Variants in ADAM22 observed in about 807,000 individuals in gnomAD.
The protein encoded by ADAM22 is disintegrin and metalloproteinase domain-containing protein 22.
Under a neutral mutation model 144.6 loss-of-function variants are expected in ADAM22, and 65 were observed. That is an observed-to-expected ratio of 0.45 (90% CI 0.37 to 0.55). ADAM22 has a LOEUF of 0.55. ADAM22 is among the 20% of genes least tolerant of loss of function. ADAM22 has a pLI of 0.00. For synonymous variants in ADAM22, 391 were observed against 412.6 expected, an observed-to-expected ratio of 0.95 and a Z score of 0.63; for missense variants, 974 against 1,184.9, an observed-to-expected ratio of 0.82 and a Z score of 2.61.
Position 88,145,196 on chromosome 7 carries a change from C to T in ADAM22, c.1392C>T (p.Ala464=). The change falls in exon 16 of 32, where the codon GCC becomes GCT. Residue 464 remains alanine (A), a splice_region_variant and synonymous_variant. Transcript: ENST00000413139. ...AGGAGTGTGATTGTGGAACCCCGGCCGTAAGTCTCTGGTTGTTTTGATGAT... is the reference window on the plus strand; with the variant it reads ...AGGAGTGTGATTGTGGAACCCCGGCTGTAAGTCTCTGGTTGTTTTGATGAT... ...TGEECDCGTP[A]ECVLEGAECC... 4.3e-6 allele frequency: 7 copies of T among 1,613,560 alleles called. No individual in the cohort carries two copies. The highest frequency in any genetic ancestry group is 2.2e-5 in the East Asian group (1 of 44,858).
intron 30 of ADAM22, among the ~76,000 whole-genome samples, chr7:88,186,914 T>C (rs959150988): frequency 6.6e-6 from 1 of 152,152 alleles, no homozygotes; most frequent in Admixed American, 6.5e-5. Context: ...TTTGAAAGGG[T>C]TGTCATTTAG....
chr7:88,095,745 C>T (rs1186463606), intron 4 of ADAM22, among the ~76,000 whole-genome samples: 3 of 152,136 alleles, frequency 2.0e-5, no homozygotes, highest in Admixed American at 6.5e-5. Flanking sequence ...CAGACATCCA[C>T]GTGTAGATTT....
chr7:88,185,602 CAGT>C (rs567998346), intron 29 of ADAM22, among the ~76,000 whole-genome samples: 46 of 152,058 alleles, frequency 3.0e-4, no homozygotes, highest in African/African-American at 1.1e-3. Context: ...CAAATTCTTC[CAGT>C]ATGGAATTTG....
At chr7:88,145,600 G>A (rs1836153810) in intron 17 of ADAM22, 93 bp downstream of exon 17, 1 of 999,558 alleles carries the variant, frequency 1.0e-6, no homozygotes, top group Non-Finnish European at 1.5e-6. Context: ...AACAGAAATA[G>A]TATCTAACAT....
intron 2 of ADAM22, among the ~76,000 whole-genome samples, chr7:87,977,725 A>G (rs1852233813): frequency 6.6e-6 from 1 of 152,158 alleles, no homozygotes; most frequent in Non-Finnish European, 1.5e-5. Context: ...AGGATAGCAT[A>G]GGAAATAGTG....
At chr7:88,095,716 A>T (rs1821071461) in intron 4 of ADAM22, among the ~76,000 whole-genome samples, 1 of 152,200 alleles carries the variant, frequency 6.6e-6, no homozygotes, top group Admixed American at 6.6e-5. Context: ...CATGTTAAAA[A>T]TTGTATAAAA....
At chr7:88,113,691 A>T (rs1168559332) in intron 5 of ADAM22, among the ~76,000 whole-genome samples, 19 of 56,978 alleles carry the variant, frequency 3.3e-4, no homozygotes, top group African/African-American at 1.4e-3. Context: ...ATATATTATA[A>T]ATAAATAAAT....
At chr7:87,969,006 C>T (rs1334496081) in intron 2 of ADAM22, among the ~76,000 whole-genome samples, 1 of 152,160 alleles carries the variant, frequency 6.6e-6, no homozygotes, top group African/African-American at 2.4e-5. Flanking sequence ...AGAACTCACT[C>T]ACTATCACAA....
chr7:87,962,724 C>G (rs1029855865), intron 2 of ADAM22, among the ~76,000 whole-genome samples: 6 of 151,948 alleles, frequency 3.9e-5, no homozygotes, highest in African/African-American at 1.5e-4. Context: ...GCTACAACAA[C>G]AAGCACCAGC....
intron 3 of ADAM22, among the ~76,000 whole-genome samples, chr7:88,020,848 A>G (rs1175256128): frequency 3.3e-5 from 5 of 152,194 alleles, no homozygotes; most frequent in African/African-American, 4.8e-5. Flanking sequence ...GAGAACCCCA[A>G]TGGATAATGC....
intron 2 of ADAM22, chr7:87,964,747 AT>A: frequency 2.9e-6 from 1 of 350,254 alleles, no homozygotes; most frequent in East Asian, 8.9e-5. Flanking sequence ...TCAAACATGA[AT>A]TGTGGATGGA....
At chr7:88,103,056 C>T (rs531716797) in intron 4 of ADAM22, among the ~76,000 whole-genome samples, 1 of 152,182 alleles carries the variant, frequency 6.6e-6, no homozygotes, top group African/African-American at 2.4e-5. Flanking sequence ...GAAGAGGTTG[C>T]AGTATGGTTG....
At chr7:88,135,171 G>A (rs2299201) in intron 13 of ADAM22, among the ~76,000 whole-genome samples, 36,932 of 149,972 alleles carry the variant, frequency 0.25, 5,752 homozygotes, top group South Asian at 0.39. Context: ...CCAGCTACTC[G>A]GGAGGCTGAG....
chr7:88,113,703 AATATATATATATATATATATAT>A (rs58099116), intron 5 of ADAM22, among the ~76,000 whole-genome samples: 1 of 48,106 alleles, frequency 2.1e-5, no homozygotes, highest in Non-Finnish European at 3.8e-5. Flanking sequence ...TAAATAAATA[AATATATATATATATATATATAT>A]ATATATATAT....
intron 2 of ADAM22, among the ~76,000 whole-genome samples, chr7:87,949,585 T>C (rs1421053433): frequency 1.3e-5 from 2 of 152,204 alleles, no homozygotes; most frequent in Non-Finnish European, 2.9e-5. Flanking sequence ...ACATCTACTA[T>C]TTCTGATGGA....
At chr7:88,049,479 A>C (rs1585249793) in intron 3 of ADAM22, among the ~76,000 whole-genome samples, 3 of 151,924 alleles carry the variant, frequency 2.0e-5, no homozygotes. Flanking sequence ...GCTCACTGCA[A>C]CCTCCGCTTC....
At chr7:87,971,603 C>A (rs1310686996) in intron 2 of ADAM22, among the ~76,000 whole-genome samples, 1 of 152,110 alleles carries the variant, frequency 6.6e-6, no homozygotes, top group Non-Finnish European at 1.5e-5. Flanking sequence ...TACGTTTTTC[C>A]AGTATCTGTG....
rs138706193 is a variant in ADAM22, at chr7:88,003,656, A to C, written c.323+25244A>C. 1.1e-3 allele frequency among the ~76,000 whole-genome samples: 175 copies of C among 152,344 alleles called. 2 individuals are homozygous for C. Among genetic ancestry groups the C allele is most frequent in the Admixed American group, 0.011 (164 of 15,298 alleles). ...TTCAATCTCCAAATGGAGGGCAGGG[A>C]ATCTTGTTCTTTAAGAAAAGGAAAC... On this transcript the variant is annotated intron_variant, in intron 3 of 31. Coordinates refer to ENST00000413139, the MANE Select transcript of ADAM22 (RefSeq NM_001324418.2).
At chr7:88,038,599 C>T (rs1257698671) in intron 3 of ADAM22, among the ~76,000 whole-genome samples, 10 of 151,648 alleles carry the variant, frequency 6.6e-5, no homozygotes, top group Non-Finnish European at 8.8e-5. Context: ...GGACTACAGG[C>T]GCGCACCACC....
Sources: gnomAD v4.1 joint callset for allele counts (sites outside exome capture counted in the v4.1 genomes callset) on GRCh38, gnomAD v4.1.1 for gene constraint, MANE v1.5 for transcripts, NCBI Gene and HGNC (gene_info 2026-07-23, HGNC 2026-07-21) for gene names.